The following CTNND2 variants were observed in gnomAD, a reference collection of about 807,000 sequenced individuals.
CTNND2 encodes the protein catenin delta-2.
In CTNND2, 22 loss-of-function variants were observed where a neutral mutation model predicts 144.4. The ratio of observed to expected loss-of-function variants is 0.15; its 90% CI spans 0.11 to 0.22. CTNND2 has a LOEUF of 0.22. Among genes scored for constraint, CTNND2 ranks in the 10% least tolerant of loss-of-function variants. The pLI is 1.00. For synonymous variants in CTNND2, 751 were observed against 695.6 expected, an observed-to-expected ratio of 1.08 and a Z score of -1.25; for missense variants, 1,353 against 1,618.8, an observed-to-expected ratio of 0.84 and a Z score of 2.82.
chr5:11,145,870 G>A (rs1757193541), intron 12 of CTNND2, among the ~76,000 whole-genome samples: 1 of 152,062 alleles, frequency 6.6e-6, no homozygotes, highest in Non-Finnish European at 1.5e-5. Context: ...CCGCGCCCTG[G>A]CTGGCCACAC....
intron 9 of CTNND2, among the ~76,000 whole-genome samples, chr5:11,324,707 A>G (rs950133196): frequency 6.6e-6 from 1 of 152,226 alleles, no homozygotes; most frequent in South Asian, 2.1e-4. Context: ...AGCCGAGGGC[A>G]GCCTGCCACC....
At chr5:11,182,005 G>A (rs1735079535) in intron 11 of CTNND2, among the ~76,000 whole-genome samples, 3 of 108,228 alleles carry the variant, frequency 2.8e-5, no homozygotes, top group Admixed American at 8.4e-5. Context: ...TGTGTGGTGT[G>A]TGGGTGTGTG....
At chr5:11,076,866 T>A (rs992854952) in intron 16 of CTNND2, among the ~76,000 whole-genome samples, 16 of 152,190 alleles carry the variant, frequency 1.1e-4, no homozygotes, top group East Asian at 9.6e-4. Flanking sequence ...ATTAAAAGAA[T>A]GATCTACGAA....
chr5:11,854,935 C>T (rs1162179918), intron 1 of CTNND2, among the ~76,000 whole-genome samples: 1 of 152,118 alleles, frequency 6.6e-6, no homozygotes, highest in African/African-American at 2.4e-5. Context: ...ATAAGAGGCC[C>T]CACTATTCTC....
chr5:11,785,849 T>C (rs185127830), intron 1 of CTNND2, among the ~76,000 whole-genome samples: 13 of 152,250 alleles, frequency 8.5e-5, no homozygotes, highest in Admixed American at 2.0e-4. Context: ...TGTTTGAACT[T>C]GAGCACCTTT....
intron 2 of CTNND2, among the ~76,000 whole-genome samples, chr5:11,569,558 T>A (rs945626347): frequency 6.6e-6 from 1 of 152,130 alleles, no homozygotes; most frequent in African/African-American, 2.4e-5. Flanking sequence ...TAAAGTCTCT[T>A]GGGGGGACTT....
chr5:11,779,117 T>C (rs1790408975), intron 1 of CTNND2, among the ~76,000 whole-genome samples: 2 of 152,184 alleles, frequency 1.3e-5, no homozygotes, highest in African/African-American at 4.8e-5. Flanking sequence ...GCATGACGCA[T>C]GGTGTATCCG....
intron 3 of CTNND2, among the ~76,000 whole-genome samples, chr5:11,507,776 G>T (rs2150019784): frequency 6.6e-6 from 1 of 152,320 alleles, no homozygotes; most frequent in African/African-American, 2.4e-5. Flanking sequence ...ACGGTCGTGT[G>T]CAGATCACAG....
intron 18 of CTNND2, among the ~76,000 whole-genome samples, chr5:10,998,414 C>T (rs1739574937): frequency 1.3e-5 from 2 of 152,186 alleles, no homozygotes; most frequent in Admixed American, 6.5e-5. Flanking sequence ...TCCTGACCCA[C>T]AGCTCAGAAG....
intron 8 of CTNND2, 101 bp from the exon 9 acceptor site, chr5:11,346,728 A>C: frequency 9.0e-7 from 1 of 1,117,262 alleles, no homozygotes. Context: ...ACACATAAAA[A>C]ATAGGGGGTT....
intron 7 of CTNND2, among the ~76,000 whole-genome samples, chr5:11,383,528 G>A (rs954344052): frequency 8.5e-5 from 13 of 152,136 alleles, no homozygotes; most frequent in African/African-American, 1.2e-4. Flanking sequence ...TTCAGTAAAC[G>A]TAGCTAGCAT....
At chr5:11,630,056 C>T (rs1198121882) in intron 2 of CTNND2, among the ~76,000 whole-genome samples, 1 of 152,072 alleles carries the variant, frequency 6.6e-6, no homozygotes, top group Admixed American at 6.5e-5. Context: ...CTTATACGTG[C>T]ATTTTTGAAA....
intron 2 of CTNND2, among the ~76,000 whole-genome samples, chr5:11,568,091 T>C (rs1561567902): frequency 6.6e-6 from 1 of 152,192 alleles, no homozygotes; most frequent in African/African-American, 2.4e-5. Context: ...CCATGGACTA[T>C]GGGTTCTCCC....
chr5:11,713,165 T>C (rs1017070194), intron 2 of CTNND2, among the ~76,000 whole-genome samples: 5 of 152,172 alleles, frequency 3.3e-5, no homozygotes, highest in African/African-American at 1.2e-4. Flanking sequence ...ATGACAGAAA[T>C]CAATGTGAAT....
At chr5:11,190,043 T>C (rs1252239576) in intron 11 of CTNND2, among the ~76,000 whole-genome samples, 1 of 152,162 alleles carries the variant, frequency 6.6e-6, no homozygotes, top group Non-Finnish European at 1.5e-5. Context: ...GAGACAAGAA[T>C]GGGCAATGTC....
intron 2 of CTNND2, among the ~76,000 whole-genome samples, chr5:11,592,318 C>T (rs1200201004): frequency 1.3e-5 from 2 of 151,832 alleles, no homozygotes; most frequent in Non-Finnish European, 2.9e-5. Context: ...CTTCCTCCTG[C>T]CTTCCTTCCT....
chr5:11,516,856 G>A (rs1385696833), intron 3 of CTNND2, among the ~76,000 whole-genome samples: 1 of 152,006 alleles, frequency 6.6e-6, no homozygotes, highest in Non-Finnish European at 1.5e-5. Context: ...GGAAATGCAA[G>A]GACACAGAAA....
intron 2 of CTNND2, among the ~76,000 whole-genome samples, chr5:11,639,067 G>A (rs1182098449): frequency 6.6e-6 from 1 of 151,902 alleles, no homozygotes; most frequent in African/African-American, 2.4e-5. Context: ...TCCAAAAGGG[G>A]GTGATTTTGC....
At chr5:11,707,768 C>T (rs1478704092) in intron 2 of CTNND2, among the ~76,000 whole-genome samples, 1 of 152,024 alleles carries the variant, frequency 6.6e-6, no homozygotes, top group African/African-American at 2.4e-5. Flanking sequence ...CAACAATTTG[C>T]GATTACAAAG....
Sources: allele counts gnomAD v4.1 joint callset (sites outside exome capture counted in the v4.1 genomes callset), GRCh38; gene constraint gnomAD v4.1.1; transcripts MANE v1.5; gene names NCBI Gene and HGNC (gene_info 2026-07-23, HGNC 2026-07-21).